ARMC2: variants seen among roughly 807,000 people sequenced by gnomAD.
ARMC2 encodes the protein armadillo repeat-containing protein 2.
Under a neutral mutation model 90.3 loss-of-function variants are expected in ARMC2, and 67 were observed. The observed-to-expected ratio is 0.74, with a 90% confidence interval of 0.61 to 0.91. ARMC2 has a LOEUF of 0.91. Ranked by LOEUF, ARMC2 falls within the 40% of genes least tolerant of loss-of-function variation. ARMC2 has a pLI of 0.00. For missense variants in ARMC2, 920 were observed against 1,030.9 expected (o/e 0.89, Z 1.47); for synonymous variants, 393 against 393.0 (o/e 1.00, Z 0.00).
intron 10 of ARMC2, among the ~76,000 whole-genome samples, chr6:108,924,467 G>A (rs1456646476): frequency 1.3e-5 from 2 of 151,502 alleles, no homozygotes; most frequent in Non-Finnish European, 2.9e-5. Context: ...GCAGTGAGCC[G>A]AGATCGAGAC....
chr6:108,909,434 A>G, intron 8 of ARMC2, among the ~76,000 whole-genome samples: 1 of 151,864 alleles, frequency 6.6e-6, no homozygotes. Context: ...TTCCGTCAGT[A>G]ATCCTATACT....
intron 4 of ARMC2, among the ~76,000 whole-genome samples, chr6:108,874,390 A>G (rs1167567546): frequency 6.6e-6 from 1 of 152,212 alleles, no homozygotes; most frequent in Non-Finnish European, 1.5e-5. Flanking sequence ...ATAAATATTC[A>G]GGGAGTGAAT....
the ARMC2 span, among the ~76,000 whole-genome samples, chr6:109,001,657 C>G: frequency 6.6e-6 from 1 of 152,102 alleles, no homozygotes; most frequent in African/African-American, 2.4e-5. Context: ...GAAGAATAAA[C>G]AGTTACATAT....
In ARMC2 at chr6:108,921,390, C is replaced by G. The variant is rs910013834; in HGVS notation, c.1351-6698C>G. Reference sequence around the variant, plus strand: ...GAAGCATTTCCTGCTAAGTCGGACACCCATGGTAGGGATGTGCCAAGTAGG... The same window carrying G: ...GAAGCATTTCCTGCTAAGTCGGACAGCCATGGTAGGGATGTGCCAAGTAGG... On this transcript the variant is annotated intron_variant, in intron 10 of 17. Transcript: ENST00000392644. Among the ~76,000 whole-genome samples, 7 of 152,314 alleles carry G rather than the reference C, an allele frequency of 4.6e-5. 1 individual carries two copies. The South Asian group carries it at 1.2e-3, about 27-fold the overall frequency.
Position 108,858,273 on chromosome 6 carries a change from T to C in ARMC2, c.291+2T>C. 1.2e-6 allele frequency: 2 copies of C among 1,600,746 alleles called. No homozygotes were observed. The highest frequency in any genetic ancestry group is 1.7e-6 in the Non-Finnish European group (2 of 1,170,066). ...ACACGTCTTAGTCCACTAGAGCTGG[T>C]GAGTACTTTGTATAACCACCAGTAA... On this transcript the variant is annotated splice_donor_variant, in intron 3 of 17. Coordinates refer to ENST00000392644, the MANE Select transcript of ARMC2 (RefSeq NM_032131.6). LOFTEE classifies it high-confidence loss of function.
Position 108,965,371 on chromosome 6 carries a change from C to CTT in ARMC2, c.2446+247_2446+248dup, listed in dbSNP as rs35328272. On this transcript the variant is annotated intron_variant, in intron 17 of 17. Transcript: ENST00000392644. Reference sequence around the variant, plus strand: ...GATACATTCATGATTTCTTCTATGGCTTTTTTTTTTTTTTTTTGCATTTTC... The same window carrying CTT: ...GATACATTCATGATTTCTTCTATGGCTTTTTTTTTTTTTTTTTTTGCATTTTC... 4.9e-3 allele frequency among the ~76,000 whole-genome samples: 625 copies of CTT among 126,602 alleles called. 6 individuals are homozygous for CTT. The highest frequency in any genetic ancestry group is 0.013 in the Middle Eastern group (3 of 240). 83.1% of individuals were successfully genotyped at this position (126,602 alleles called of 152,430 possible). A position where few individuals can be genotyped will look rare whatever the true frequency, so the allele number is the denominator to read the frequency against.
At chr6:108,863,425 A>G (rs1775487726) in intron 3 of ARMC2, among the ~76,000 whole-genome samples, 1 of 152,194 alleles carries the variant, frequency 6.6e-6, no homozygotes, top group Admixed American at 6.5e-5. Flanking sequence ...CCTGCTATAT[A>G]GGTGTGCCAG....
chr6:108,927,665 A>G (rs990586001), intron 10 of ARMC2, among the ~76,000 whole-genome samples: 4 of 151,688 alleles, frequency 2.6e-5, no homozygotes, highest in Admixed American at 6.6e-5. Flanking sequence ...ATCTGATGCT[A>G]TTTATAAAAG....
rs150883926 is a variant in ARMC2 at position 108,896,890 on chromosome 6, A to G, written c.748+2347A>G. On this transcript the variant is annotated intron_variant, in intron 6 of 17. Transcript: ENST00000392644. ...AAATTTAAGTGTGTTATAAATATGTATCAATTAAATAACTCGCCTGACTTA... is the reference window on the plus strand; with the variant it reads ...AAATTTAAGTGTGTTATAAATATGTGTCAATTAAATAACTCGCCTGACTTA... 4.2e-3 allele frequency among the ~76,000 whole-genome samples: 638 copies of G among 152,344 alleles called. 3 individuals carry two copies. The highest frequency in any genetic ancestry group is 0.014 in the African/African-American group (598 of 41,580).
intron 3 of ARMC2, among the ~76,000 whole-genome samples, chr6:108,868,372 A>G (rs1776049106): frequency 1.3e-5 from 2 of 152,058 alleles, no homozygotes; most frequent in African/African-American, 2.4e-5. Flanking sequence ...ATGCGCCACC[A>G]TGCCCAGCCT....
intron 5 of ARMC2, among the ~76,000 whole-genome samples, chr6:108,887,434 A>G (rs893082104): frequency 8.5e-5 from 13 of 152,110 alleles, no homozygotes; most frequent in Non-Finnish European, 1.3e-4. Context: ...GCTCTTAAAC[A>G]TGTGGGCTGA....
intron 16 of ARMC2, 124 bp downstream of exon 16, chr6:108,964,436 C>T (rs1217365443): frequency 1.7e-6 from 2 of 1,172,762 alleles, no homozygotes; most frequent in Non-Finnish European, 2.4e-6. Context: ...AGCCCCTAAG[C>T]TGAGGCTAAA....
chr6:108,928,814 C>G (rs201085911), intron 11 of ARMC2, among the ~76,000 whole-genome samples: 4 of 152,074 alleles, frequency 2.6e-5, no homozygotes, highest in East Asian at 1.9e-4. Flanking sequence ...TTTCCTCCCG[C>G]GCTGCTCTTT....
intron 8 of ARMC2, 119 bp downstream of exon 8, chr6:108,904,524 A>G (rs1772473050): frequency 9.8e-6 from 10 of 1,020,044 alleles, no homozygotes; most frequent in Non-Finnish European, 1.3e-5. Flanking sequence ...AGAATCTTGG[A>G]AAAAAATTAA....
chr6:108,939,336 A>C (rs991391982), intron 12 of ARMC2, among the ~76,000 whole-genome samples: 1 of 152,012 alleles, frequency 6.6e-6, no homozygotes, highest in African/African-American at 2.4e-5. Context: ...CCTGGATTGG[A>C]GGTGGGGCCT....
At chr6:109,001,558 G>A in the ARMC2 span, 18 of 1,299,478 alleles carry the variant, frequency 1.4e-5, no homozygotes, top group Admixed American at 2.7e-4. Context: ...ATATACATGC[G>A]CTACACTCTA....
chr6:108,907,477 T>A (rs4945823), intron 8 of ARMC2: 138,816 of 342,698 alleles, frequency 0.41, 21,507 homozygotes, highest in Middle Eastern at 0.43. Context: ...TTTTTTTTTT[T>A]ACCAGTCATC....
At chr6:108,972,760 C>G (rs1003064556) in intron 17 of ARMC2, among the ~76,000 whole-genome samples, 1 of 151,998 alleles carries the variant, frequency 6.6e-6, no homozygotes, top group Non-Finnish European at 1.5e-5. Flanking sequence ...ATGTCCCGTG[C>G]TCAAGTGATT....
At chr6:109,001,336 T>C in the ARMC2 span, 1 of 1,613,910 alleles carries the variant, frequency 6.2e-7, no homozygotes, top group Non-Finnish European at 8.5e-7. Flanking sequence ...GCCCATCCAT[T>C]TGCAGTAGAT....
Sources: allele counts gnomAD v4.1 joint callset (sites outside exome capture counted in the v4.1 genomes callset), GRCh38; gene constraint gnomAD v4.1.1; transcripts MANE v1.5; gene names NCBI Gene and HGNC (gene_info 2026-07-23, HGNC 2026-07-21).